CDH13: variants seen among roughly 807,000 people sequenced by gnomAD.
CDH13 encodes cadherin-13.
Under a neutral mutation model 63.8 loss-of-function variants are expected in CDH13, and 24 were observed. The ratio of observed to expected loss-of-function variants is 0.38; its 90% confidence interval spans 0.27 to 0.53. The LOEUF is 0.53. CDH13 is among the 20% of genes least tolerant of loss of function. The probability of loss-of-function intolerance (pLI) is 0.85; values close to 1 mark genes in which losing one functional copy is unlikely to be tolerated. For missense variants in CDH13, 1,049 were observed against 903.1 expected (o/e 1.16, Z -2.07); for synonymous variants, 503 against 355.3 (o/e 1.42, Z -4.67).
Position 82,968,649 on chromosome 16 carries a change from C to A in CDH13, c.158-63361C>A, listed in dbSNP as rs574687337. 1.2e-4 allele frequency among the ~76,000 whole-genome samples: 19 copies of A among 152,268 alleles called. No individual in the cohort carries two copies. In the South Asian group the frequency reaches 3.3e-3, roughly 27 times the overall value. On this transcript the variant is annotated intron_variant, in intron 2 of 13. Coordinates refer to ENST00000567109, the MANE Select transcript of CDH13 (RefSeq NM_001257.5). ...AGACCCATCTCTCCTTCTGTGAAGC[C>A]ATCCTCCCTGCCCCACCCAGGCAGG...
intron 3 of CDH13, among the ~76,000 whole-genome samples, chr16:83,104,818 G>A (rs577104494): frequency 6.6e-6 from 1 of 152,070 alleles, no homozygotes; most frequent in African/African-American, 2.4e-5. Context: ...TGAAGCTAAC[G>A]AACAAAAACA....
intron 6 of CDH13, among the ~76,000 whole-genome samples, chr16:83,430,158 G>A (rs920042481): frequency 3.9e-5 from 6 of 152,176 alleles, no homozygotes; most frequent in Non-Finnish European, 5.9e-5. Context: ...TCTTGAGGAC[G>A]TATTAGGGCT....
At chr16:83,191,458 A>AATATAGATATAT (rs1466966273) in intron 4 of CDH13, among the ~76,000 whole-genome samples, 1 of 80,582 alleles carries the variant, frequency 1.2e-5, no homozygotes, top group Admixed American at 1.4e-4. Flanking sequence ...ACTAATAGGA[A>AATATAGATATAT]ATATATATAT....
intron 1 of CDH13, among the ~76,000 whole-genome samples, chr16:82,793,952 TA>T (rs1273102940): frequency 3.3e-5 from 5 of 151,996 alleles, no homozygotes; most frequent in African/African-American, 9.7e-5. Flanking sequence ...GCCAGGCTTT[TA>T]CTGGGTGGAA....
chr16:82,873,902 T>A (rs933231680), intron 2 of CDH13, among the ~76,000 whole-genome samples: 1 of 152,186 alleles, frequency 6.6e-6, no homozygotes, highest in Non-Finnish European at 1.5e-5. Context: ...GTTCTAGGGA[T>A]ACTTGTTCTC....
intron 3 of CDH13, among the ~76,000 whole-genome samples, chr16:83,070,858 C>G (rs1011617519): frequency 4.4e-4 from 48 of 110,328 alleles, no homozygotes; most frequent in South Asian, 1.7e-3. Flanking sequence ...ATAAACAGCC[C>G]CCCCCCCCCC....
At chr16:82,678,736 G>T (rs973327958) in intron 1 of CDH13, among the ~76,000 whole-genome samples, 11 of 152,218 alleles carry the variant, frequency 7.2e-5, no homozygotes, top group African/African-American at 2.7e-4. Flanking sequence ...AATGGGTACA[G>T]TTATCTTCTT....
intron 2 of CDH13, among the ~76,000 whole-genome samples, chr16:83,011,952 C>T (rs537713433): frequency 2.6e-5 from 4 of 152,178 alleles, no homozygotes; most frequent in African/African-American, 9.6e-5. Flanking sequence ...GAGTGAGTAA[C>T]GCTGCCTTAT....
chr16:83,237,867 G>A (rs147435987), intron 5 of CDH13, among the ~76,000 whole-genome samples: 2 of 152,328 alleles, frequency 1.3e-5, no homozygotes, highest in East Asian at 3.9e-4. Context: ...CATTATTTGT[G>A]TCTTTGGGTA....
chr16:82,867,859 G>A (rs771914384), intron 2 of CDH13, among the ~76,000 whole-genome samples: 1 of 152,184 alleles, frequency 6.6e-6, no homozygotes, highest in Non-Finnish European at 1.5e-5. Context: ...GTGGAGAATT[G>A]CCTGTTTCCT....
At chr16:82,712,799 C>T (rs886353693) in intron 1 of CDH13, among the ~76,000 whole-genome samples, 34 of 152,136 alleles carry the variant, frequency 2.2e-4, no homozygotes, top group Admixed American at 2.0e-4. Flanking sequence ...ATTCTGCAGG[C>T]AGTCTTCTTG....
rs112897562 is a variant in CDH13 at position 82,807,991 on chromosome 16, A to G, written c.46-50371A>G. On this transcript the variant is annotated intron_variant, in intron 1 of 13. Transcript: ENST00000567109. ...TTAACGAGAGACAGAATATTCCCCA[A>G]TTACAGTATTTCTCCAGCGCAGTTC... Among the ~76,000 whole-genome samples, 32 of 152,264 alleles carry G rather than the reference A, an allele frequency of 2.1e-4. No homozygotes were observed. The East Asian group carries it at 4.6e-3, about 22-fold the overall frequency.
rs1555505972 is a variant in CDH13, at chr16:83,625,194, G to GTGTGTGTGTGCTCATGTA, written c.1101+22608_1101+22609insTGCTCATGTATGTGTGTG. ...CTCATGTGTGTGTGTGTGCTCATGT[G>GTGTGTGTGTGCTCATGTA]TGTGTGTGCATGTGTGTGTGCACAC... On this transcript the variant is annotated intron_variant, in intron 8 of 13. Transcript: ENST00000567109. 4.2e-3 allele frequency among the ~76,000 whole-genome samples: 646 copies of GTGTGTGTGTGCTCATGTA among 152,056 alleles called. 10 individuals are homozygous for GTGTGTGTGTGCTCATGTA. The highest frequency in any genetic ancestry group is 0.015 in the African/African-American group (622 of 41,470).
intron 1 of CDH13, chr16:82,823,889 T>A (rs1233641899): frequency 6.6e-6 from 1 of 152,160 alleles, no homozygotes; most frequent in Non-Finnish European, 1.5e-5. Context: ...ATTCATGTAT[T>A]CTCTTTCTAC....
At chr16:83,138,987 G>A (rs2036416668) in intron 4 of CDH13, among the ~76,000 whole-genome samples, 1 of 151,980 alleles carries the variant, frequency 6.6e-6, no homozygotes, top group East Asian at 1.9e-4. Context: ...ATAGGACGCT[G>A]AACAAAGTAA....
intron 2 of CDH13, among the ~76,000 whole-genome samples, chr16:82,960,138 T>C (rs1597299886): frequency 6.6e-6 from 1 of 152,000 alleles, no homozygotes; most frequent in Admixed American, 6.6e-5. Context: ...AGCAGGGAGA[T>C]CAGAAGGGAG....
At chr16:83,224,515 T>C (rs1313205838) in intron 5 of CDH13, among the ~76,000 whole-genome samples, 1 of 152,218 alleles carries the variant, frequency 6.6e-6, no homozygotes, top group Non-Finnish European at 1.5e-5. Flanking sequence ...ATTAGGGTCC[T>C]ATCAATCAAT....
intron 10 of CDH13, among the ~76,000 whole-genome samples, chr16:83,705,579 G>A (rs1339225350): frequency 6.6e-6 from 1 of 152,162 alleles, no homozygotes; most frequent in Non-Finnish European, 1.5e-5. Context: ...CCGAGATCAC[G>A]CCACTGCACT....
intron 1 of CDH13, among the ~76,000 whole-genome samples, chr16:82,843,865 G>T (rs191622500): frequency 6.6e-6 from 1 of 152,180 alleles, no homozygotes; most frequent in Non-Finnish European, 1.5e-5. Context: ...ACCAGGCCTG[G>T]CTCTGTGACT....
Sources: allele counts gnomAD v4.1 joint callset (sites outside exome capture counted in the v4.1 genomes callset), GRCh38; gene constraint gnomAD v4.1.1; transcripts MANE v1.5; gene names NCBI Gene and HGNC (gene_info 2026-07-23, HGNC 2026-07-21).